Variants in GPC5 observed in about 807,000 individuals in gnomAD.
GPC5 encodes glypican-5.
Under a neutral mutation model 53.9 loss-of-function variants are expected in GPC5, and 47 were observed. The ratio of observed to expected loss-of-function variants is 0.87; its 90% CI spans 0.69 to 1.11. GPC5 has a LOEUF of 1.11. GPC5 is among the 50% of genes most tolerant of loss of function. The pLI, the probability that GPC5 is intolerant of heterozygous loss-of-function variation, is 0.00. For missense variants in GPC5, 748 were observed against 713.1 expected (o/e 1.05, Z -0.56); for synonymous variants, 286 against 263.3 (o/e 1.09, Z -0.84).
chr13:91,730,003 G>C (rs2036660427), intron 4 of GPC5, among the ~76,000 whole-genome samples: 1 of 152,140 alleles, frequency 6.6e-6, no homozygotes, highest in African/African-American at 2.4e-5. Context: ...AGACCTTCTT[G>C]TCACCAATCT....
At chr13:91,952,757 T>G (rs2040039170) in intron 6 of GPC5, among the ~76,000 whole-genome samples, 1 of 152,028 alleles carries the variant, frequency 6.6e-6, no homozygotes, top group Admixed American at 6.6e-5. Flanking sequence ...AGTTTGATAA[T>G]CCCTGAACAA....
intron 1 of GPC5, among the ~76,000 whole-genome samples, chr13:91,447,071 A>T (rs1880861627): frequency 6.6e-6 from 1 of 152,218 alleles, no homozygotes; most frequent in Non-Finnish European, 1.5e-5. Context: ...GAAAGGAAGG[A>T]TCACAACTTG....
intron 7 of GPC5, among the ~76,000 whole-genome samples, chr13:92,778,592 C>T (rs546970178): frequency 3.3e-5 from 5 of 152,150 alleles, no homozygotes; most frequent in Non-Finnish European, 5.9e-5. Flanking sequence ...TCCAATGCCA[C>T]CTCACTAAGG....
At chr13:92,556,404 T>C (rs141296525) in intron 7 of GPC5, among the ~76,000 whole-genome samples, 9 of 151,948 alleles carry the variant, frequency 5.9e-5, no homozygotes, top group African/African-American at 1.9e-4. Flanking sequence ...GTCTTTTCTA[T>C]ATATATTATT....
intron 7 of GPC5, among the ~76,000 whole-genome samples, chr13:92,710,508 C>T (rs1240585160): frequency 2.0e-5 from 3 of 152,160 alleles, no homozygotes; most frequent in African/African-American, 7.2e-5. Context: ...GAACAAGTTA[C>T]AGCAAAGAGA....
intron 6 of GPC5, among the ~76,000 whole-genome samples, chr13:92,037,641 C>T (rs2040904381): frequency 1.3e-5 from 2 of 152,156 alleles, no homozygotes; most frequent in South Asian, 4.1e-4. Context: ...GCCTGACTGG[C>T]ACAGGGGGAG....
intron 7 of GPC5, among the ~76,000 whole-genome samples, chr13:92,567,182 GA>G (rs1453451792): frequency 6.6e-6 from 1 of 152,038 alleles, no homozygotes; most frequent in African/African-American, 2.4e-5. Flanking sequence ...AAAATTTCCC[GA>G]GGCCAAAATT....
chr13:92,604,010 T>C (rs1474369168), intron 7 of GPC5, among the ~76,000 whole-genome samples: 2 of 152,220 alleles, frequency 1.3e-5, no homozygotes, highest in African/African-American at 2.4e-5. Context: ...GTAGCTTACC[T>C]ACGTGCTCAA....
chr13:92,680,950 G>A (rs1217510790), intron 7 of GPC5, among the ~76,000 whole-genome samples: 2 of 151,940 alleles, frequency 1.3e-5, no homozygotes, highest in African/African-American at 2.4e-5. Flanking sequence ...TATCCCTCAG[G>A]TACCTCCATT....
chr13:91,615,167 C>T (rs554551231), intron 2 of GPC5, among the ~76,000 whole-genome samples: 4 of 152,122 alleles, frequency 2.6e-5, no homozygotes, highest in Admixed American at 2.0e-4. Flanking sequence ...TTCAGTACAG[C>T]CAAGGTGGAC....
At chr13:91,644,550 C>A (rs898371637) in intron 2 of GPC5, among the ~76,000 whole-genome samples, 4 of 152,130 alleles carry the variant, frequency 2.6e-5, no homozygotes, top group Admixed American at 1.3e-4. Context: ...CTCTTGGTAG[C>A]CTTTTATTTC....
At chr13:92,241,156 G>T (rs1181410043) in intron 7 of GPC5, 1 of 152,046 alleles carries the variant, frequency 6.6e-6, no homozygotes, top group African/African-American at 2.4e-5. Flanking sequence ...TGATTCCATT[G>T]CAGAATTATT....
chr13:91,649,441 G>C (rs2034642247), intron 2 of GPC5, among the ~76,000 whole-genome samples: 2 of 152,126 alleles, frequency 1.3e-5, no homozygotes, highest in South Asian at 2.1e-4. Flanking sequence ...ATTCAGCACA[G>C]TGTCCAGGCT....
chr13:91,495,761 G>T (rs9589258), intron 2 of GPC5, among the ~76,000 whole-genome samples: 1 of 152,190 alleles, frequency 6.6e-6, no homozygotes, highest in African/African-American at 2.4e-5. Context: ...GGCGGCTCAC[G>T]CCTGGAATCC....
At chr13:91,554,709 T>A (rs895503199) in intron 2 of GPC5, among the ~76,000 whole-genome samples, 1 of 152,116 alleles carries the variant, frequency 6.6e-6, no homozygotes, top group African/African-American at 2.4e-5. Context: ...CTTCAGCTTG[T>A]TAGACTCTGT....
intron 7 of GPC5, among the ~76,000 whole-genome samples, chr13:92,570,791 T>C (rs1409839535): frequency 6.6e-6 from 1 of 152,142 alleles, no homozygotes; most frequent in Non-Finnish European, 1.5e-5. Flanking sequence ...TTAGTATTAT[T>C]TTTATAATTT....
intron 6 of GPC5, among the ~76,000 whole-genome samples, chr13:91,918,408 A>G (rs1248099859): frequency 1.3e-5 from 2 of 152,216 alleles, no homozygotes; most frequent in African/African-American, 4.8e-5. Flanking sequence ...TCTCCTTAAT[A>G]CTGACATAAA....
chr13:92,290,425 G>A (rs9584012), intron 7 of GPC5, among the ~76,000 whole-genome samples: 1,852 of 152,048 alleles, frequency 0.012, 47 homozygotes, highest in African/African-American at 0.042. Context: ...AGATTTTGGC[G>A]CACCCGTCAC....
rs2043435168 is a variant in GPC5 at position 92,347,898 on chromosome 13, TA to T, written c.1561+202910del. Among the ~76,000 whole-genome samples the T allele has an allele frequency of 1.6e-4, 2 of 12,194 alleles. 1 individual carries two copies. The highest frequency in any genetic ancestry group is 1.8e-3 in the African/African-American group (2 of 1,084). The allele number at this position is 12,194 out of a possible 152,430, so 8.0% of individuals were successfully genotyped here. Reference sequence around the variant, plus strand: ...TAATATATATTATATATATTATATATATAATATATATATAATATATATATAT... The same window carrying T: ...TAATATATATTATATATATTATATATTAATATATATATAATATATATATAT... On this transcript the variant is annotated intron_variant, in intron 7 of 7. Transcript: ENST00000377067.
Sources: allele counts gnomAD v4.1 joint callset (sites outside exome capture counted in the v4.1 genomes callset), GRCh38; gene constraint gnomAD v4.1.1; transcripts MANE v1.5; gene names NCBI Gene and HGNC (gene_info 2026-07-23, HGNC 2026-07-21).